The following WWC1 variants were observed in gnomAD, a reference collection of about 807,000 sequenced individuals.
WWC1 encodes the protein protein KIBRA.
In WWC1, 55 loss-of-function variants were observed where a neutral mutation model predicts 138.4. That is an observed-to-expected ratio of 0.40 (90% CI 0.32 to 0.50). The LOEUF (loss-of-function observed/expected upper bound fraction) is 0.50, where lower values mean the gene tolerates loss of function less well. Ranked by LOEUF, WWC1 falls within the 20% of genes least tolerant of loss-of-function variation. The probability of loss-of-function intolerance (pLI) is 0.72; values close to 1 mark genes in which losing one functional copy is unlikely to be tolerated. For synonymous variants in WWC1, 524 were observed against 564.9 expected (o/e 0.93, Z 1.03); for missense variants, 1,226 against 1,420.4 (o/e 0.86, Z 2.20).
rs754318411 is a variant in WWC1, at chr5:168,423,654, T to A, written c.1396T>A (p.Tyr466Asn). Reference sequence around the variant, plus strand: ...CACTTCAGCCAGCTTCACTGACCTCTACTATGACCCCTTTGAGCAGCTGGA... The same window carrying A: ...CACTTCAGCCAGCTTCACTGACCTCAACTATGACCCCTTTGAGCAGCTGGA... ...SSTSASFTDL[Y>N]YDPFEQLDSE... Residue 466 changes from tyrosine to asparagine, a missense_variant, in exon 11 of 23, where the codon TAC (tyrosine) becomes AAC (asparagine). Tyr to Asn is a moderately radical substitution (Grantham distance 143). This residue lies in a region of WWC1 where 1,016 missense variants were observed against 1,153.9 expected (regional missense o/e 0.88). Coordinates refer to ENST00000265293, the MANE Select transcript of WWC1 (RefSeq NM_015238.3). 1 of 1,614,176 alleles carries A rather than the reference T, an allele frequency of 6.2e-7. No individual in the cohort carries two copies. The highest frequency in any genetic ancestry group is 8.5e-7 in the Non-Finnish European group (1 of 1,180,030).
At chr5:168,362,717 A>G (rs1231791997) in intron 1 of WWC1, among the ~76,000 whole-genome samples, 1 of 152,214 alleles carries the variant, frequency 6.6e-6, no homozygotes, top group East Asian at 1.9e-4. Context: ...ACCCCATGTC[A>G]GTGAGTGGGA....
rs1166976089 is a variant in WWC1, at chr5:168,410,722, A to G, written c.941+727A>G. On this transcript the variant is annotated intron_variant, in intron 8 of 22. Transcript: ENST00000265293. ...CTTGGCTGAGATTGTTTATTGTACT[A>G]AAACATTTGTGCATGCATCTTCTCA... is the stretch of plus-strand genomic sequence containing the variant. Among the ~76,000 whole-genome samples the G allele has an allele frequency of 2.0e-5, 3 of 151,986 alleles. No individual in the cohort carries two copies. In the East Asian group the frequency reaches 5.8e-4, roughly 30 times the overall value.
At chr5:168,390,304 A>G (rs529837715) in intron 3 of WWC1, among the ~76,000 whole-genome samples, 27 of 152,326 alleles carry the variant, frequency 1.8e-4, no homozygotes, top group Middle Eastern at 3.4e-3. Context: ...ATTGTAAATG[A>G]AAAAGAGGTT....
chr5:168,411,484 T>A (rs941558365), intron 8 of WWC1: 1 of 152,208 alleles, frequency 6.6e-6, no homozygotes, highest in South Asian at 2.1e-4. Flanking sequence ...AAAAAGGGAA[T>A]GTATTGTGTT....
chr5:168,310,703 G>A (rs1210970389), intron 1 of WWC1, among the ~76,000 whole-genome samples: 1 of 151,960 alleles, frequency 6.6e-6, no homozygotes, highest in Admixed American at 6.6e-5. Flanking sequence ...AGGCATAGTA[G>A]TGCATGCCTG....
At chr5:168,390,789 G>A (rs914382980) in intron 3 of WWC1, among the ~76,000 whole-genome samples, 5 of 152,194 alleles carry the variant, frequency 3.3e-5, no homozygotes, top group African/African-American at 7.2e-5. Flanking sequence ...CTTTGCTGTC[G>A]ACTCGCTGGT....
intron 9 of WWC1, chr5:168,416,521 GC>G (rs560620795): frequency 9.5e-4 from 144 of 152,274 alleles, no homozygotes; most frequent in African/African-American, 3.2e-3. Flanking sequence ...CCCTTACTGG[GC>G]CTCTGTGTAT....
At chr5:168,314,604 A>C (rs568220556) in intron 1 of WWC1, among the ~76,000 whole-genome samples, 89 of 152,220 alleles carry the variant, frequency 5.8e-4, no homozygotes, top group African/African-American at 2.0e-3. Flanking sequence ...TATTGCTGTG[A>C]GGGGACTAGC....
intron 3 of WWC1, among the ~76,000 whole-genome samples, chr5:168,392,715 T>C (rs1778594846): frequency 6.6e-6 from 1 of 152,094 alleles, no homozygotes; most frequent in East Asian, 1.9e-4. Context: ...ATTTTAAAGA[T>C]AGAAAACAAA....
chr5:168,467,639 GT>G (rs1757411173), intron 21 of WWC1, 200 bp from the exon 22 acceptor site: 1 of 721,398 alleles, frequency 1.4e-6, no homozygotes, highest in Admixed American at 3.1e-5. Flanking sequence ...CAGTTATTCC[GT>G]TTCCTGGCCC....
chr5:168,428,064 A>G lies in WWC1; in HGVS notation c.1842A>G (p.Lys614=), dbSNP rs900994664. The change falls in exon 12 of 23, where the codon AAA becomes AAG. Residue 614 remains lysine (K), a synonymous_variant. Transcript: ENST00000265293. ...ATACGGCCCAGGGGTGTGGCCTGAA[A>G]GTGGCCTGTGTCTCAGCCGCCGTAT... ...AVNTAQGCGL[K]VACVSAAVSD... 6.2e-7 allele frequency: 1 copy of G among 1,613,706 alleles called. No homozygotes were observed. The highest frequency in any genetic ancestry group is 8.5e-7 in the Non-Finnish European group (1 of 1,179,760).
At chr5:168,426,022 G>A (rs905529468) in intron 11 of WWC1, among the ~76,000 whole-genome samples, 1 of 152,198 alleles carries the variant, frequency 6.6e-6, no homozygotes, top group African/African-American at 2.4e-5. Flanking sequence ...TGTCAGCTCT[G>A]TGGCTCCAGG....
In WWC1 at chr5:168,292,148, G is replaced by A. The variant is rs370421132; in HGVS notation, c.-5G>A. The A allele has an allele frequency of 4.0e-4, 616 of 1,538,334 alleles. 8 individuals carry two copies. The African/African-American group carries it at 7.2e-3, about 18-fold the overall frequency. Reference sequence around the variant, plus strand: ...CATGGGGGAGCGCCGGCAGCGCTTGGGAAGATGCCCCGGCCGGAGCTGCCC... The same window carrying A: ...CATGGGGGAGCGCCGGCAGCGCTTGAGAAGATGCCCCGGCCGGAGCTGCCC... On this transcript the variant is annotated 5_prime_UTR_variant, in exon 1 of 23. Coordinates refer to ENST00000265293, the MANE Select transcript of WWC1 (RefSeq NM_015238.3). The surrounding 1 kb of genome is among the most constrained non-coding windows in gnomAD (Gnocchi z 4.4).
At chr5:168,355,220 G>A (rs566628568) in intron 1 of WWC1, among the ~76,000 whole-genome samples, 8 of 152,284 alleles carry the variant, frequency 5.3e-5, no homozygotes, top group African/African-American at 1.2e-4. Context: ...CAGGCTGGGC[G>A]TGGTGGCTCA....
intron 16 of WWC1, 124 bp downstream of exon 16, chr5:168,441,958 AGGAG>A: frequency 7.3e-7 from 1 of 1,367,546 alleles, no homozygotes; most frequent in Non-Finnish European, 9.7e-7. Context: ...TGGAGGAAGT[AGGAG>A]AAGAAGACAG....
intron 2 of WWC1, among the ~76,000 whole-genome samples, chr5:168,373,340 T>C (rs1456985691): frequency 3.3e-5 from 5 of 151,634 alleles, no homozygotes. Flanking sequence ...AAGGCAGAAA[T>C]GGGGTGTATG....
At chr5:168,455,576 C>T in intron 19 of WWC1, 56 bp downstream of exon 19, 1 of 1,585,138 alleles carries the variant, frequency 6.3e-7, no homozygotes, top group East Asian at 2.3e-5. Flanking sequence ...GAGCTTCACA[C>T]AGGGCTGGGT....
chr5:168,307,272 C>T (rs1329234171), intron 1 of WWC1, among the ~76,000 whole-genome samples: 1 of 152,188 alleles, frequency 6.6e-6, no homozygotes, highest in East Asian at 1.9e-4. Context: ...AGTCTGTCTG[C>T]CCCCACAGAT....
At chr5:168,440,492 TTTGTTGTTG>T (rs140204253) in intron 15 of WWC1, among the ~76,000 whole-genome samples, 1 of 151,624 alleles carries the variant, frequency 6.6e-6, no homozygotes, top group Non-Finnish European at 1.5e-5. Context: ...AAAGCAGGGT[TTTGTTGTTG>T]TTGTTGTTGT....
Sources: gnomAD v4.1 joint callset for allele counts (sites outside exome capture counted in the v4.1 genomes callset) on GRCh38, gnomAD v4.1.1 for gene constraint, gnomAD v4.1.1 regional missense constraint, Gnocchi (gnomAD v3.1) non-coding constraint, MANE v1.5 for transcripts, NCBI Gene and HGNC (gene_info 2026-07-23, HGNC 2026-07-21) for gene names.